Variants in RBMS3 observed in about 807,000 individuals in gnomAD.
The protein encoded by RBMS3 is RNA binding motif single stranded interacting protein 3.
RBMS3 carries 27 observed loss-of-function variants against 66.8 expected under a neutral mutation model. The observed-to-expected ratio is 0.40, with a 90% CI of 0.30 to 0.56. The LOEUF (loss-of-function observed/expected upper bound fraction) is 0.56. RBMS3 is among the 20% of genes least tolerant of loss of function. RBMS3 has a pLI of 0.40. For synonymous variants in RBMS3, 188 were observed against 183.0 expected, an observed-to-expected ratio of 1.03 and a Z score of -0.22; for missense variants, 513 against 549.5, an observed-to-expected ratio of 0.93 and a Z score of 0.66.
chr3:29,681,032 C>T (rs2051463778), intron 4 of RBMS3, among the ~76,000 whole-genome samples: 1 of 152,150 alleles, frequency 6.6e-6, no homozygotes, highest in African/African-American at 2.4e-5. Flanking sequence ...ACCTCTGATA[C>T]TTTTCTTAAT....
chr3:29,709,601 A>G (rs2053067392), intron 4 of RBMS3, among the ~76,000 whole-genome samples: 1 of 152,160 alleles, frequency 6.6e-6, no homozygotes, highest in South Asian at 2.1e-4. Flanking sequence ...CATTATCAGT[A>G]CTCACTGATG....
At chr3:29,490,845 G>T (rs1383620802) in intron 3 of RBMS3, among the ~76,000 whole-genome samples, 2 of 152,076 alleles carry the variant, frequency 1.3e-5, no homozygotes, top group African/African-American at 2.4e-5. Flanking sequence ...AGTGCATCTA[G>T]ACCTGCCCAA....
intron 1 of RBMS3, chr3:29,391,364 A>G (rs1201699147): frequency 2.0e-5 from 3 of 152,434 alleles, no homozygotes; most frequent in African/African-American, 7.2e-5. Context: ...GAAAAAAAAC[A>G]GATGGAGCAA....
chr3:29,608,185 T>C (rs1036189018), intron 4 of RBMS3, among the ~76,000 whole-genome samples: 2 of 151,944 alleles, frequency 1.3e-5, no homozygotes, highest in Admixed American at 1.3e-4. Flanking sequence ...CTATATATAT[T>C]TTACCATTTG....
intron 5 of RBMS3, among the ~76,000 whole-genome samples, chr3:29,747,725 G>A (rs2054986174): frequency 6.6e-6 from 1 of 152,176 alleles, no homozygotes; most frequent in African/African-American, 2.4e-5. Flanking sequence ...AAAGAAAGGG[G>A]TAGTATAGCC....
intron 1 of RBMS3, among the ~76,000 whole-genome samples, chr3:29,294,106 G>A (rs2033051786): frequency 6.6e-6 from 1 of 151,766 alleles, no homozygotes; most frequent in Admixed American, 6.6e-5. Context: ...GTATAGTATG[G>A]TGTATGATGC....
intron 1 of RBMS3, among the ~76,000 whole-genome samples, chr3:29,284,026 G>C (rs2125409714): frequency 6.6e-6 from 1 of 152,160 alleles, no homozygotes; most frequent in South Asian, 2.1e-4. Context: ...AAACAACTGG[G>C]TTATTTCCAC....
intron 1 of RBMS3, 110 bp downstream of exon 1, chr3:29,281,866 C>T (rs1299082913): frequency 3.8e-5 from 33 of 876,468 alleles, no homozygotes; most frequent in Non-Finnish European, 4.8e-5. Context: ...ATCACTTCTT[C>T]CTGCTTCTTT....
At chr3:29,568,830 T>C (rs2046834601) in intron 3 of RBMS3, among the ~76,000 whole-genome samples, 1 of 152,148 alleles carries the variant, frequency 6.6e-6, no homozygotes, top group African/African-American at 2.4e-5. Context: ...TGTAGGAAGA[T>C]TGGAAGATCC....
At chr3:29,357,382 C>A (rs2037289000) in intron 1 of RBMS3, among the ~76,000 whole-genome samples, 1 of 152,188 alleles carries the variant, frequency 6.6e-6, no homozygotes, top group East Asian at 1.9e-4. Flanking sequence ...ATGAACTCAT[C>A]CTTTTTTATA....
intron 14 of RBMS3, among the ~76,000 whole-genome samples, chr3:30,003,531 T>A (rs540081880): frequency 6.6e-6 from 1 of 152,010 alleles, no homozygotes; most frequent in Non-Finnish European, 1.5e-5. Flanking sequence ...TAGTAAAGAA[T>A]CTCATATTTG....
At chr3:29,830,315 A>G (rs2058338384) in intron 6 of RBMS3, among the ~76,000 whole-genome samples, 2 of 152,142 alleles carry the variant, frequency 1.3e-5, no homozygotes, top group Admixed American at 6.6e-5. Flanking sequence ...AAAACAGAAC[A>G]TTTTAGTTTG....
At chr3:29,895,163 G>A (rs1211890924) in intron 8 of RBMS3, among the ~76,000 whole-genome samples, 1 of 151,456 alleles carries the variant, frequency 6.6e-6, no homozygotes. Context: ...ACTCAAAGGG[G>A]TATTTTAGAG....
At chr3:29,444,102 T>TG (rs2041728521) in intron 2 of RBMS3, among the ~76,000 whole-genome samples, 1 of 152,022 alleles carries the variant, frequency 6.6e-6, no homozygotes, top group African/African-American at 2.4e-5. Context: ...GTTTTCAAAG[T>TG]GAAAAAGTAA....
chr3:29,743,734 T>C (rs2054741593), intron 5 of RBMS3, among the ~76,000 whole-genome samples: 1 of 151,726 alleles, frequency 6.6e-6, no homozygotes, highest in South Asian at 2.1e-4. Context: ...GCATTTCTTT[T>C]TTTTTTTTTT....
chr3:29,463,772 G>A (rs1022489402), intron 2 of RBMS3, among the ~76,000 whole-genome samples: 10 of 151,970 alleles, frequency 6.6e-5, no homozygotes, highest in Admixed American at 2.0e-4. Flanking sequence ...CACTACAGTC[G>A]ACACTCCCTG....
chr3:29,542,402 C>T (rs1274193182), intron 3 of RBMS3, among the ~76,000 whole-genome samples: 1 of 152,164 alleles, frequency 6.6e-6, no homozygotes, highest in Admixed American at 6.5e-5. Flanking sequence ...ACCCAGTCGC[C>T]TAGGCTGGAG....
chr3:29,663,340 C>T (rs1022528894), intron 4 of RBMS3, among the ~76,000 whole-genome samples: 4 of 152,172 alleles, frequency 2.6e-5, no homozygotes, highest in African/African-American at 9.7e-5. Flanking sequence ...ATGTTACTGT[C>T]ATCCAATTAT....
At chr3:29,869,111 A>G (rs1054709170) in intron 7 of RBMS3, 147 bp downstream of exon 7, 1 of 630,616 alleles carries the variant, frequency 1.6e-6, no homozygotes, top group East Asian at 2.8e-5. Flanking sequence ...GACCCATGTT[A>G]ATGTGTTCTA....
Sources: gnomAD v4.1 joint callset for allele counts (sites outside exome capture counted in the v4.1 genomes callset) on GRCh38, gnomAD v4.1.1 for gene constraint, MANE v1.5 for transcripts, NCBI Gene and HGNC (gene_info 2026-07-23, HGNC 2026-07-21) for gene names.